RYR3: variants seen among roughly 807,000 people sequenced by gnomAD.
RYR3 encodes the protein ryanodine receptor 3.
Under a neutral mutation model 584.3 loss-of-function variants are expected in RYR3, and 207 were observed. That is an observed-to-expected ratio of 0.35 (90% CI 0.32 to 0.40). The LOEUF is 0.40. Among genes scored for constraint, RYR3 ranks in the 10% least tolerant of loss-of-function variants. RYR3 has a pLI of 1.00. For synonymous variants in RYR3, 2,416 were observed against 2,248.5 expected, an observed-to-expected ratio of 1.07 and a Z score of -2.11; for missense variants, 5,616 against 6,089.2, an observed-to-expected ratio of 0.92 and a Z score of 2.59.
chr15:33,539,798 A>C (rs2141138432), intron 6 of RYR3, among the ~76,000 whole-genome samples: 1 of 152,288 alleles, frequency 6.6e-6, no homozygotes, highest in African/African-American at 2.4e-5. Flanking sequence ...AAGACAGAAA[A>C]AATGTTAAGG....
At chr15:33,471,690 T>A (rs2048946666) in intron 1 of RYR3, among the ~76,000 whole-genome samples, 1 of 151,960 alleles carries the variant, frequency 6.6e-6, no homozygotes, top group Non-Finnish European at 1.5e-5. Flanking sequence ...GGTTTTAAGT[T>A]TTGTTTCTTT....
intron 42 of RYR3, among the ~76,000 whole-genome samples, chr15:33,704,609 G>C (rs1333826402): frequency 6.6e-6 from 1 of 152,206 alleles, no homozygotes; most frequent in Non-Finnish European, 1.5e-5. Flanking sequence ...ACAATAAATA[G>C]CTCAGTGTTT....
At chr15:33,857,479 G>A (rs1048963108) in intron 98 of RYR3, among the ~76,000 whole-genome samples, 2 of 152,052 alleles carry the variant, frequency 1.3e-5, no homozygotes, top group African/African-American at 4.8e-5. Context: ...TCCAAATACA[G>A]TCACATTCTG....
intron 1 of RYR3, among the ~76,000 whole-genome samples, chr15:33,396,873 C>T (rs1356953948): frequency 6.6e-5 from 10 of 152,314 alleles, no homozygotes; most frequent in African/African-American, 2.4e-4. Context: ...CCTTCAACCC[C>T]CCTTTATAGA....
chr15:33,669,871 G>T (rs1292997197), intron 37 of RYR3, among the ~76,000 whole-genome samples: 3 of 27,186 alleles, frequency 1.1e-4, no homozygotes, highest in South Asian at 1.7e-3. Flanking sequence ...TGGGTGTGTG[G>T]GTGTGTGTGG....
Position 33,697,292 on chromosome 15 carries a change from T to A in RYR3, c.6135-590T>A, listed in dbSNP as rs146284295. ...TCTTACATAAATGAAGCGACTTTTA[T>A]GGGAAGACAATACAGTTAGATAATT... On this transcript the variant is annotated intron_variant, in intron 39 of 103. Coordinates refer to ENST00000634891, the MANE Select transcript of RYR3 (RefSeq NM_001036.6). Among the ~76,000 whole-genome samples the A allele has an allele frequency of 6.3e-3, 955 of 152,342 alleles. 14 individuals are homozygous for A. The highest frequency in any genetic ancestry group is 0.022 in the African/African-American group (903 of 41,572).
Position 33,819,795 on chromosome 15 carries a change from C to A in RYR3, c.10746C>A (p.Ser3582Arg). 6.3e-7 allele frequency: 1 copy of A among 1,587,942 alleles called. No homozygotes were observed. The highest frequency in any genetic ancestry group is 8.6e-7 in the Non-Finnish European group (1 of 1,164,888). The change falls in exon 77 of 104, where the codon AGC becomes AGA. Residue 3582 changes from serine to arginine, a missense_variant. Coordinates refer to ENST00000634891, the MANE Select transcript of RYR3 (RefSeq NM_001036.6). ...EDDPLYTSYS[S>R]MMAKSCQSGE... ...ACCCTTTGTACACCTCCTATTCCAG[C>A]ATGATGGCCAAGGTACACCCAGGTT...
chr15:33,385,905 A>ATGTTACCTAGGCTGG (rs1320311991), intron 1 of RYR3, among the ~76,000 whole-genome samples: 2 of 151,468 alleles, frequency 1.3e-5, no homozygotes, highest in East Asian at 3.9e-4. Flanking sequence ...AGGTCTCACT[A>ATGTTACCTAGGCTGG]TGTTACCTAG....
intron 2 of RYR3, among the ~76,000 whole-genome samples, chr15:33,482,328 T>C (rs1188663345): frequency 5.9e-5 from 9 of 152,222 alleles, no homozygotes; most frequent in Non-Finnish European, 1.3e-4. Flanking sequence ...ATCATCATTC[T>C]TCTATATGTA....
chr15:33,571,780 C>T (rs184052815), intron 12 of RYR3, among the ~76,000 whole-genome samples: 2 of 152,170 alleles, frequency 1.3e-5, no homozygotes, highest in East Asian at 1.9e-4. Context: ...ATGCTTCATC[C>T]ATTTATATCT....
At chr15:33,740,716 G>A (rs920173677) in intron 51 of RYR3, among the ~76,000 whole-genome samples, 2 of 152,238 alleles carry the variant, frequency 1.3e-5, no homozygotes, top group African/African-American at 2.4e-5. Flanking sequence ...AACTGCTTCA[G>A]AGTGAGCAGG....
At chr15:33,743,466 C>T (rs1237768016) in intron 52 of RYR3, among the ~76,000 whole-genome samples, 3 of 152,180 alleles carry the variant, frequency 2.0e-5, no homozygotes, top group South Asian at 4.1e-4. Context: ...AAGTGGGTGC[C>T]TGTGTTCCAA....
Position 33,801,940 on chromosome 15 carries a change from C to T in RYR3, c.9990C>T (p.Asp3330=). The change falls in exon 69 of 104, where the codon GAC becomes GAT. Residue 3330 remains aspartate (D), a synonymous_variant. Transcript: ENST00000634891. ...ATAATTTGGCATTTTTAACTGGAGACAGCAAAAGCAAGATGTCAAAAGTAA... is the reference window on the plus strand; with the variant it reads ...ATAATTTGGCATTTTTAACTGGAGATAGCAAAAGCAAGATGTCAAAAGTAA... The part of the protein sequence containing the change: ...EINNLAFLTG[D]SKSKMSKAMQ... 3 of 1,592,770 alleles carry T rather than the reference C, an allele frequency of 1.9e-6. No individual in the cohort carries two copies. The highest frequency in any genetic ancestry group is 1.3e-5 in the African/African-American group (1 of 74,736).
intron 1 of RYR3, among the ~76,000 whole-genome samples, chr15:33,367,041 C>T (rs1213143587): frequency 5.9e-5 from 9 of 152,176 alleles, no homozygotes; most frequent in African/African-American, 2.2e-4. Context: ...CCATTTATTT[C>T]AGTGCTGCTA....
At chr15:33,320,368 A>T (rs1016196340) in intron 1 of RYR3, among the ~76,000 whole-genome samples, 1 of 152,238 alleles carries the variant, frequency 6.6e-6, no homozygotes, top group African/African-American at 2.4e-5. Context: ...CATCATATGG[A>T]TGTAGACATC....
At chr15:33,401,832 A>G (rs1595984300) in intron 1 of RYR3, among the ~76,000 whole-genome samples, 1 of 152,236 alleles carries the variant, frequency 6.6e-6, no homozygotes, top group East Asian at 1.9e-4. Flanking sequence ...TAAGTAATTT[A>G]AAGAATGTCT....
chr15:33,354,715 T>C (rs1453165897), intron 1 of RYR3, among the ~76,000 whole-genome samples: 1 of 152,222 alleles, frequency 6.6e-6, no homozygotes, highest in African/African-American at 2.4e-5. Context: ...CATCTTTCTT[T>C]CAGGAGGTGG....
intron 1 of RYR3, among the ~76,000 whole-genome samples, chr15:33,401,598 A>G (rs1236026579): frequency 1.3e-5 from 2 of 152,200 alleles, no homozygotes; most frequent in Non-Finnish European, 2.9e-5. Context: ...GCTTGAGGAA[A>G]CAGATTACAA....
intron 32 of RYR3, 122 bp downstream of exon 32, chr15:33,653,005 C>A: frequency 1.1e-6 from 1 of 913,462 alleles, no homozygotes; most frequent in Non-Finnish European, 1.6e-6. Flanking sequence ...CCCATGTGGG[C>A]CATGGGCCAC....
Sources: allele counts gnomAD v4.1 joint callset (sites outside exome capture counted in the v4.1 genomes callset), GRCh38; gene constraint gnomAD v4.1.1; transcripts MANE v1.5; gene names NCBI Gene and HGNC (gene_info 2026-07-23, HGNC 2026-07-21).